Variants in STPG2 observed in about 807,000 individuals in gnomAD.
STPG2 encodes sperm-tail PG-rich repeat-containing protein 2.
In STPG2, 56 loss-of-function variants were observed where a neutral mutation model predicts 54.2. That is an observed-to-expected ratio of 1.03 (90% CI 0.83 to 1.29). The LOEUF (loss-of-function observed/expected upper bound fraction) is 1.29, where lower values mean the gene tolerates loss of function less well. STPG2 is among the 50% of genes most tolerant of loss of function. STPG2 has a pLI of 0.00. For synonymous variants in STPG2, 200 were observed against 181.8 expected (o/e 1.10, Z -0.81); for missense variants, 596 against 544.9 (o/e 1.09, Z -0.93).
At chr4:97,577,302 G>A (rs1452661269) in intron 10 of STPG2, among the ~76,000 whole-genome samples, 1 of 152,108 alleles carries the variant, frequency 6.6e-6, no homozygotes, top group Non-Finnish European at 1.5e-5. Flanking sequence ...TATGTTCATT[G>A]CAATACTATT....
chr4:97,933,456 G>A (rs1342270216), intron 8 of STPG2, among the ~76,000 whole-genome samples: 1 of 152,134 alleles, frequency 6.6e-6, no homozygotes, highest in East Asian at 1.9e-4. Flanking sequence ...TGTCCAGAAT[G>A]TTATTGCCTA....
At chr4:97,886,765 A>C (rs371824811) in intron 8 of STPG2, among the ~76,000 whole-genome samples, 1 of 152,152 alleles carries the variant, frequency 6.6e-6, no homozygotes, top group African/African-American at 2.4e-5. Flanking sequence ...CCCAAATGTC[A>C]TGTCAAATTA....
In STPG2 at chr4:97,464,065, T is replaced by C. The variant is rs116051111; in HGVS notation, c.462+248634A>G. Among the ~76,000 whole-genome samples, 280 of 152,310 alleles carry C rather than the reference T, an allele frequency of 1.8e-3. 1 individual carries two copies. The highest frequency in any genetic ancestry group is 6.4e-3 in the African/African-American group (267 of 41,576). On this transcript the variant is annotated intron_variant, in intron 4 of 4. Transcript: ENST00000522676. ...TCTTTGGCAATTTTGCATAAAGCTG[T>C]TGTAAATATTTGCATGAAGGTTTTT...
At chr4:97,887,665 G>T (rs1730628774) in intron 8 of STPG2, among the ~76,000 whole-genome samples, 1 of 152,126 alleles carries the variant, frequency 6.6e-6, no homozygotes, top group Non-Finnish European at 1.5e-5. Context: ...CTGCTCATGT[G>T]GTAAGAAAAG....
chr4:97,557,079 G>A (rs557967595), downstream of STPG2, among the ~76,000 whole-genome samples: 4 of 152,126 alleles, frequency 2.6e-5, no homozygotes, highest in Non-Finnish European at 5.9e-5. Context: ...TACTCAGGAG[G>A]CTGAGGCAGG....
intron 4 of STPG2, among the ~76,000 whole-genome samples, chr4:97,537,770 G>A (rs983940988): frequency 4.6e-5 from 7 of 151,942 alleles, no homozygotes; most frequent in East Asian, 1.9e-4. Flanking sequence ...TGACCCCTGA[G>A]TAGATTATCT....
rs568600247 is a variant in STPG2 at position 97,939,417 on chromosome 4, C to G, written c.1044+4480G>C. 2.6e-5 allele frequency among the ~76,000 whole-genome samples: 4 copies of G among 152,142 alleles called. No homozygotes were observed. In the South Asian group the frequency reaches 8.3e-4, roughly 32 times the overall value. On this transcript the variant is annotated intron_variant, in intron 8 of 10. Coordinates refer to ENST00000295268, the MANE Select transcript of STPG2 (RefSeq NM_174952.3). The stretch of plus-strand genomic sequence containing the variant: ...AATACCGTCAGTGGGGTGTTGAAGT[C>G]TTATTGTGTGGGAGTCTGTGTCTCT...
chr4:97,656,495 T>C (rs1304278536), intron 10 of STPG2, among the ~76,000 whole-genome samples: 1 of 152,034 alleles, frequency 6.6e-6, no homozygotes, highest in Non-Finnish European at 1.5e-5. Context: ...TAGAGTCTTA[T>C]ATAACAAGTC....
chr4:97,860,001 C>T (rs990125710), intron 8 of STPG2, among the ~76,000 whole-genome samples: 5 of 152,178 alleles, frequency 3.3e-5, no homozygotes, highest in Admixed American at 6.6e-5. Context: ...CTCCATTCTA[C>T]GTTCTTGTTT....
At position 97,846,579 on chromosome 4, in the gene STPG2, G is replaced by A. The variant is rs191460669; in HGVS notation, c.1045-5647C>T. ...GGCAGAGGTTGCAGTGAGCCGAGAC[G>A]GTGCCACTGCACTCCAGACTGGCAA... On this transcript the variant is annotated intron_variant, in intron 8 of 10. Transcript: ENST00000295268. 2.5e-4 allele frequency among the ~76,000 whole-genome samples: 37 copies of A among 147,196 alleles called. 1 individual carries two copies. The highest frequency in any genetic ancestry group is 7.6e-4 in the African/African-American group (30 of 39,416).
intron 8 of STPG2, among the ~76,000 whole-genome samples, chr4:97,907,346 C>T (rs575073852): frequency 5.1e-4 from 78 of 152,122 alleles, no homozygotes; most frequent in Non-Finnish European, 8.4e-4. Context: ...AACTACAAAC[C>T]ACTGCTCAAG....
intron 9 of STPG2, among the ~76,000 whole-genome samples, chr4:97,754,615 C>T (rs376503729): frequency 7.2e-5 from 11 of 152,188 alleles, no homozygotes; most frequent in African/African-American, 2.6e-4. Flanking sequence ...CTATGAACTC[C>T]AAATGTTGTT....
intron 3 of STPG2, among the ~76,000 whole-genome samples, chr4:98,113,798 C>A (rs749422339): frequency 2.5e-4 from 38 of 151,960 alleles, no homozygotes; most frequent in Non-Finnish European, 4.1e-4. Flanking sequence ...AAGAGCTATC[C>A]CACAAATCTC....
chr4:97,483,720 T>C (rs1730281681), intron 4 of STPG2, among the ~76,000 whole-genome samples: 1 of 151,750 alleles, frequency 6.6e-6, no homozygotes, highest in African/African-American at 2.4e-5. Flanking sequence ...ATGAAACAAA[T>C]GGGCTTAACA....
At chr4:97,888,170 TGGGGTTGGA>T (rs998889932) in intron 8 of STPG2, among the ~76,000 whole-genome samples, 1 of 152,148 alleles carries the variant, frequency 6.6e-6, no homozygotes, top group African/African-American at 2.4e-5. Context: ...AGGGAAAAAG[TGGGGTTGGA>T]GACCCCAAAC....
At chr4:97,816,593 T>G (rs1727918465) in intron 9 of STPG2, among the ~76,000 whole-genome samples, 1 of 152,118 alleles carries the variant, frequency 6.6e-6, no homozygotes, top group Non-Finnish European at 1.5e-5. Flanking sequence ...TTTGAATTGG[T>G]AGACTGAGTA....
intron 5 of STPG2, among the ~76,000 whole-genome samples, chr4:98,041,183 A>C (rs1404762473): frequency 6.6e-6 from 1 of 151,916 alleles, no homozygotes; most frequent in Non-Finnish European, 1.5e-5. Context: ...CTGATTTCAT[A>C]TCTCGAAACT....
chr4:97,696,014 A>G lies in STPG2; in HGVS notation c.1320+16685T>C, dbSNP rs117125409. 3.3e-3 allele frequency among the ~76,000 whole-genome samples: 508 copies of G among 152,098 alleles called. 31 individuals are homozygous for G. The East Asian group carries it at 0.082, about 25-fold the overall frequency. ...ATTCTTCATAGAACTAGAAAAAAAA[A>G]CCTAAATTTCATATGAAACCAAAAA... On this transcript the variant is annotated intron_variant, in intron 10 of 10. Coordinates refer to ENST00000295268, the MANE Select transcript of STPG2 (RefSeq NM_174952.3).
intron 9 of STPG2, among the ~76,000 whole-genome samples, chr4:97,787,224 C>G (rs184221138): frequency 6.6e-6 from 1 of 151,912 alleles, no homozygotes; most frequent in African/African-American, 2.4e-5. Context: ...CTGGGTTAGA[C>G]CCTCACATAA....
Sources: gnomAD v4.1 joint callset for allele counts (sites outside exome capture counted in the v4.1 genomes callset) on GRCh38, gnomAD v4.1.1 for gene constraint, MANE v1.5 for transcripts, NCBI Gene and HGNC (gene_info 2026-07-23, HGNC 2026-07-21) for gene names.